Variants in SLC24A2 observed in about 807,000 individuals in gnomAD.
The protein encoded by SLC24A2 is sodium/potassium/calcium exchanger 2.
SLC24A2 carries 36 observed loss-of-function variants against 62.0 expected under a neutral mutation model. The ratio of observed to expected loss-of-function variants is 0.58; its 90% CI spans 0.44 to 0.77. SLC24A2 has a LOEUF of 0.77. Ranked by LOEUF, SLC24A2 falls within the 30% of genes least tolerant of loss-of-function variation. The pLI, the probability that SLC24A2 is intolerant of heterozygous loss-of-function variation, is 0.00. For missense variants in SLC24A2, 846 were observed against 817.9 expected, an observed-to-expected ratio of 1.03 and a Z score of -0.42; for synonymous variants, 358 against 294.0, an observed-to-expected ratio of 1.22 and a Z score of -2.23.
At chr9:20,236,046 A>T in the SLC24A2 span, among the ~76,000 whole-genome samples, 1 of 152,194 alleles carries the variant, frequency 6.6e-6, no homozygotes, top group Non-Finnish European at 1.5e-5. Flanking sequence ...AAGAGAAATA[A>T]CTAGATATCG....
chr9:19,537,046 GTTGT>G (rs1342390839), intron 8 of SLC24A2, among the ~76,000 whole-genome samples: 36 of 149,764 alleles, frequency 2.4e-4, no homozygotes, highest in African/African-American at 3.5e-4. Context: ...TTTTGATGGG[GTTGT>G]TTGTTTTTTT....
At chr9:19,637,298 A>G (rs1169460378) in intron 2 of SLC24A2, among the ~76,000 whole-genome samples, 2 of 152,264 alleles carry the variant, frequency 1.3e-5, no homozygotes, top group African/African-American at 4.8e-5. Context: ...TTCAGTGGGC[A>G]GAGACTGGGC....
chr9:20,237,464 A>G, the SLC24A2 span, among the ~76,000 whole-genome samples: 1 of 152,168 alleles, frequency 6.6e-6, no homozygotes, highest in East Asian at 1.9e-4. Context: ...ATCAAAGTAA[A>G]CCACCTCTCT....
the SLC24A2 span, among the ~76,000 whole-genome samples, chr9:20,044,510 C>T: frequency 1.3e-5 from 2 of 151,972 alleles, no homozygotes; most frequent in Non-Finnish European, 2.9e-5. Context: ...GTGGAGTTAC[C>T]GCTCATTCCA....
At chr9:19,803,942 G>A in the SLC24A2 span, among the ~76,000 whole-genome samples, 1 of 152,040 alleles carries the variant, frequency 6.6e-6, no homozygotes. Context: ...CTTGTTTTTA[G>A]TGATGAAAAA....
At chr9:20,089,376 T>C in the SLC24A2 span, among the ~76,000 whole-genome samples, 1 of 151,990 alleles carries the variant, frequency 6.6e-6, no homozygotes, top group African/African-American at 2.4e-5. Flanking sequence ...GACCAGCATT[T>C]CTCCAAGGAG....
the SLC24A2 span, among the ~76,000 whole-genome samples, chr9:19,807,708 T>C: frequency 6.6e-6 from 1 of 152,206 alleles, no homozygotes; most frequent in African/African-American, 2.4e-5. Context: ...ACATTATGGC[T>C]TTTGGATTGA....
At chr9:19,587,382 G>A (rs893913955) in intron 5 of SLC24A2, among the ~76,000 whole-genome samples, 1 of 151,974 alleles carries the variant, frequency 6.6e-6, no homozygotes, top group Non-Finnish European at 1.5e-5. Flanking sequence ...TTGTCCCCTG[G>A]GTTTCATATG....
intron 2 of SLC24A2, among the ~76,000 whole-genome samples, chr9:19,731,095 AT>A (rs1006265330): frequency 6.6e-6 from 1 of 152,194 alleles, no homozygotes; most frequent in African/African-American, 2.4e-5. Flanking sequence ...AAGGCAGCTG[AT>A]AAATCAAGTT....
At chr9:20,287,862 T>C in the SLC24A2 span, among the ~76,000 whole-genome samples, 1 of 152,242 alleles carries the variant, frequency 6.6e-6, no homozygotes, top group South Asian at 2.1e-4. Flanking sequence ...TCAAACTCCC[T>C]GATATTGGCT....
the SLC24A2 span, among the ~76,000 whole-genome samples, chr9:20,261,329 A>G: frequency 6.6e-6 from 1 of 152,134 alleles, no homozygotes; most frequent in African/African-American, 2.4e-5. Context: ...GAGGCTGGGA[A>G]GTCCAGTGTC....
chr9:19,904,192 T>G, the SLC24A2 span, among the ~76,000 whole-genome samples: 1 of 152,216 alleles, frequency 6.6e-6, no homozygotes, highest in African/African-American at 2.4e-5. Flanking sequence ...GGCACCATCC[T>G]GGAACTACTG....
rs373810285 is a variant in SLC24A2 at position 19,754,861 on chromosome 9, A to C, written c.930+31076T>G. Among the ~76,000 whole-genome samples the C allele has an allele frequency of 3.4e-3, 510 of 152,188 alleles. 5 individuals carry two copies. Among genetic ancestry groups the C allele is most frequent in the African/African-American group, 0.011 (475 of 41,516 alleles). ...CTCTCTTCAGGCAGACCAGTTTTACAGTGAGGTCCGAGACATAGCACACTG... is the reference window on the plus strand; with the variant it reads ...CTCTCTTCAGGCAGACCAGTTTTACCGTGAGGTCCGAGACATAGCACACTG... On this transcript the variant is annotated intron_variant, in intron 2 of 10. Coordinates refer to ENST00000341998, the MANE Select transcript of SLC24A2 (RefSeq NM_020344.4).
the SLC24A2 span, among the ~76,000 whole-genome samples, chr9:20,105,873 C>T: frequency 3.3e-5 from 5 of 152,094 alleles, no homozygotes; most frequent in East Asian, 9.7e-4. Context: ...GAAATAGAGA[C>T]ACAAAAAATC....
chr9:19,588,041 G>T (rs1178657955), intron 5 of SLC24A2, among the ~76,000 whole-genome samples: 4 of 152,230 alleles, frequency 2.6e-5, no homozygotes. Flanking sequence ...CTGGTTGCTA[G>T]CTGGTTAGCC....
chr9:20,234,797 G>C, the SLC24A2 span, among the ~76,000 whole-genome samples: 1 of 152,180 alleles, frequency 6.6e-6, no homozygotes, highest in African/African-American at 2.4e-5. Flanking sequence ...AGGAGGAGAG[G>C]CGCTCTGATT....
chr9:20,214,850 T>C, the SLC24A2 span, among the ~76,000 whole-genome samples: 13 of 152,076 alleles, frequency 8.5e-5, no homozygotes, highest in African/African-American at 3.1e-4. Flanking sequence ...AACAACTGAT[T>C]GAAGCAATGA....
At chr9:19,673,450 T>TGTGTGTGTG (rs2118335211) in intron 2 of SLC24A2, among the ~76,000 whole-genome samples, 1 of 119,822 alleles carries the variant, frequency 8.3e-6, no homozygotes, top group East Asian at 2.0e-4. Context: ...TGTGCGTGTG[T>TGTGTGTGTG]GTGTGTGTGT....
the SLC24A2 span, among the ~76,000 whole-genome samples, chr9:19,871,381 A>G: frequency 1.3e-5 from 2 of 152,164 alleles, no homozygotes; most frequent in African/African-American, 2.4e-5. Flanking sequence ...GCTTTATCCA[A>G]TTTGAAGAAC....
Sources: gnomAD v4.1 joint callset for allele counts (sites outside exome capture counted in the v4.1 genomes callset) on GRCh38, gnomAD v4.1.1 for gene constraint, MANE v1.5 for transcripts, NCBI Gene and HGNC (gene_info 2026-07-23, HGNC 2026-07-21) for gene names.